ZNF385B: variants seen among roughly 807,000 people sequenced by gnomAD.
ZNF385B encodes zinc finger protein 533.
A neutral mutation model predicts 39.2 loss-of-function variants in ZNF385B; 23 were observed. The ratio of observed to expected loss-of-function variants is 0.59; its 90% CI spans 0.42 to 0.83. The LOEUF is 0.83. Ranked by LOEUF, ZNF385B falls within the 40% of genes least tolerant of loss-of-function variation. The pLI is 0.00. For missense variants in ZNF385B, 552 were observed against 598.9 expected (o/e 0.92, Z 0.82); for synonymous variants, 205 against 222.6 (o/e 0.92, Z 0.70).
intron 3 of ZNF385B, among the ~76,000 whole-genome samples, chr2:179,764,016 G>C (rs1703549516): frequency 1.3e-5 from 2 of 152,088 alleles, no homozygotes; most frequent in Non-Finnish European, 2.9e-5. Context: ...CTATATTCTT[G>C]CTTATTTTGT....
intron 6 of ZNF385B, among the ~76,000 whole-genome samples, chr2:179,473,518 C>T (rs534896957): frequency 1.3e-5 from 2 of 152,282 alleles, no homozygotes; most frequent in East Asian, 1.9e-4. Context: ...GGTATTAGCA[C>T]TCCCATTTCT....
chr2:179,476,671 C>T (rs920714087), intron 6 of ZNF385B, among the ~76,000 whole-genome samples: 1 of 152,166 alleles, frequency 6.6e-6, no homozygotes, highest in Non-Finnish European at 1.5e-5. Context: ...GAATCTTCAG[C>T]CTTACCTGGA....
chr2:179,547,597 CATG>C (rs1443806052), intron 3 of ZNF385B, among the ~76,000 whole-genome samples: 1 of 149,266 alleles, frequency 6.7e-6, no homozygotes, highest in African/African-American at 2.5e-5. Context: ...ATGCCAGTAC[CATG>C]ATGTTTTGGT....
At chr2:179,833,196 G>T (rs1456592085) in intron 1 of ZNF385B, among the ~76,000 whole-genome samples, 1 of 152,052 alleles carries the variant, frequency 6.6e-6, no homozygotes, top group African/African-American at 2.4e-5. Flanking sequence ...TATTTGACCA[G>T]ATTTTTCAAT....
chr2:179,824,071 T>G (rs1459345859), intron 1 of ZNF385B, among the ~76,000 whole-genome samples: 1 of 152,130 alleles, frequency 6.6e-6, no homozygotes, highest in Admixed American at 6.5e-5. Flanking sequence ...CTAAGGCTTT[T>G]TAAAAATCTT....
At chr2:179,596,032 A>G (rs1687972565) in intron 3 of ZNF385B, among the ~76,000 whole-genome samples, 1 of 152,164 alleles carries the variant, frequency 6.6e-6, no homozygotes, top group Non-Finnish European at 1.5e-5. Context: ...TTTCTCTACT[A>G]AATTCTTCAA....
intron 1 of ZNF385B, among the ~76,000 whole-genome samples, chr2:179,807,026 T>C (rs1435625792): frequency 2.0e-5 from 3 of 152,212 alleles, no homozygotes; most frequent in Admixed American, 6.5e-5. Context: ...TCGGAAGATA[T>C]GTATTCTTAA....
At chr2:179,720,925 GTTTTTTTT>G (rs56131510) in intron 3 of ZNF385B, among the ~76,000 whole-genome samples, 3 of 70,140 alleles carry the variant, frequency 4.3e-5, no homozygotes, top group East Asian at 5.1e-4. Flanking sequence ...ATGCCTGGCT[GTTTTTTTT>G]TTTTTTTTTT....
At chr2:179,792,399 A>ATTTTTTTTTTTTTT in intron 1 of ZNF385B, among the ~76,000 whole-genome samples, 1 of 76,392 alleles carries the variant, frequency 1.3e-5, no homozygotes, top group South Asian at 3.9e-4. Flanking sequence ...TTTGAGACAG[A>ATTTTTTTTTTTTTT]GTTTTGCTCT....
intron 3 of ZNF385B, among the ~76,000 whole-genome samples, chr2:179,660,605 A>T (rs538687947): frequency 6.6e-6 from 1 of 152,330 alleles, no homozygotes; most frequent in South Asian, 2.1e-4. Flanking sequence ...AAGAAAATAC[A>T]GATATATTTA....
At chr2:179,499,715 T>A (rs2056583840) in intron 5 of ZNF385B, among the ~76,000 whole-genome samples, 2 of 152,000 alleles carry the variant, frequency 1.3e-5, no homozygotes, top group South Asian at 4.1e-4. Context: ...AAACCTTTCC[T>A]CTAAGATCTG....
At chr2:179,677,299 T>C (rs1353571619) in intron 3 of ZNF385B, among the ~76,000 whole-genome samples, 1 of 152,212 alleles carries the variant, frequency 6.6e-6, no homozygotes, top group Non-Finnish European at 1.5e-5. Flanking sequence ...TTTCTGTCTA[T>C]ACCGTTAATA....
intron 3 of ZNF385B, among the ~76,000 whole-genome samples, chr2:179,619,365 A>G (rs1690019433): frequency 6.6e-6 from 1 of 152,154 alleles, no homozygotes; most frequent in Non-Finnish European, 1.5e-5. Context: ...TAGTTTTCAC[A>G]TTTTTATTAC....
chr2:179,484,484 A>G (rs2054352016), intron 5 of ZNF385B, among the ~76,000 whole-genome samples: 2 of 152,128 alleles, frequency 1.3e-5, no homozygotes, highest in Non-Finnish European at 2.9e-5. Context: ...AGAAATAATA[A>G]CTTTAAAAAC....
chr2:179,735,838 C>CACATGG (rs1374484397), intron 3 of ZNF385B, among the ~76,000 whole-genome samples: 1 of 141,830 alleles, frequency 7.1e-6, no homozygotes, highest in Non-Finnish European at 1.5e-5. Context: ...ACAATGAGAT[C>CACATGG]ACATGGACAC....
At chr2:179,543,062 A>G (rs1400193089) in intron 4 of ZNF385B, among the ~76,000 whole-genome samples, 1 of 152,200 alleles carries the variant, frequency 6.6e-6, no homozygotes, top group Non-Finnish European at 1.5e-5. Flanking sequence ...ACCTGAGGCC[A>G]GGAGTCTGAG....
intron 3 of ZNF385B, among the ~76,000 whole-genome samples, chr2:179,753,394 T>G (rs1040251687): frequency 6.6e-6 from 1 of 152,212 alleles, no homozygotes; most frequent in African/African-American, 2.4e-5. Flanking sequence ...TTTGCTCTTT[T>G]GGCTTAGGAT....
chr2:179,527,132 G>T (rs1171361477), intron 4 of ZNF385B, among the ~76,000 whole-genome samples: 1 of 152,130 alleles, frequency 6.6e-6, no homozygotes, highest in Non-Finnish European at 1.5e-5. Context: ...TTTTGAGGCT[G>T]GTTGACTACA....
At chr2:179,695,376 G>A (rs1040452926) in intron 3 of ZNF385B, among the ~76,000 whole-genome samples, 1 of 151,888 alleles carries the variant, frequency 6.6e-6, no homozygotes, top group African/African-American at 2.4e-5. Context: ...TGCCTCAAAT[G>A]ACACCATCAA....
Sources: allele counts gnomAD v4.1 joint callset (sites outside exome capture counted in the v4.1 genomes callset), GRCh38; gene constraint gnomAD v4.1.1; transcripts MANE v1.5; gene names NCBI Gene and HGNC (gene_info 2026-07-23, HGNC 2026-07-21).